MCTP2: variants seen among roughly 807,000 people sequenced by gnomAD.
The protein encoded by MCTP2 is multiple C2 and transmembrane domain containing 2.
In MCTP2, 132 loss-of-function variants were observed where a neutral mutation model predicts 111.6. The ratio of observed to expected loss-of-function variants is 1.18; its 90% CI spans 1.03 to 1.37. MCTP2 has a LOEUF of 1.37. MCTP2 is among the 40% of genes most tolerant of loss of function. The pLI is 0.00. For synonymous variants in MCTP2, 395 were observed against 387.7 expected, an observed-to-expected ratio of 1.02 and a Z score of -0.22; for missense variants, 1,183 against 1,067.9, an observed-to-expected ratio of 1.11 and a Z score of -1.50.
At chr15:94,299,259 C>A (rs1040585314) in intron 2 of MCTP2, among the ~76,000 whole-genome samples, 2 of 151,722 alleles carry the variant, frequency 1.3e-5, no homozygotes, top group African/African-American at 2.4e-5. Flanking sequence ...TGGATGAATT[C>A]TCTTTTATCT....
At chr15:94,244,148 A>T (rs1215123665) in intron 1 of MCTP2, among the ~76,000 whole-genome samples, 1 of 144,672 alleles carries the variant, frequency 6.9e-6, no homozygotes, top group African/African-American at 2.7e-5. Flanking sequence ...GCATATGTGT[A>T]TATGTTTATA....
intron 20 of MCTP2, among the ~76,000 whole-genome samples, chr15:94,467,192 T>C (rs1418597093): frequency 6.6e-6 from 1 of 152,182 alleles, no homozygotes; most frequent in Non-Finnish European, 1.5e-5. Context: ...CGTAAGGCCA[T>C]AGAGCTAACA....
At chr15:94,281,882 C>A (rs1389033778) in intron 1 of MCTP2, among the ~76,000 whole-genome samples, 1 of 151,958 alleles carries the variant, frequency 6.6e-6, no homozygotes, top group African/African-American at 2.4e-5. Flanking sequence ...GAATATAGGC[C>A]CGCAATTATT....
chr15:94,267,923 A>T (rs1483706579), intron 1 of MCTP2, among the ~76,000 whole-genome samples: 1 of 119,306 alleles, frequency 8.4e-6, no homozygotes. Flanking sequence ...TAGAGTGCAG[A>T]GGCGTGATCT....
At position 94,469,111 on chromosome 15, in the gene MCTP2, T is replaced by C. The variant is rs944450883; in HGVS notation, c.2361-1222T>C. Among the ~76,000 whole-genome samples the C allele has an allele frequency of 2.2e-4, 33 of 152,286 alleles. No homozygotes were observed. The Middle Eastern group carries it at 0.01, about 47-fold the overall frequency. On this transcript the variant is annotated intron_variant, in intron 20 of 22. Coordinates refer to ENST00000357742, the MANE Select transcript of MCTP2 (RefSeq NM_001385001.1). ...ATGTTAGCACAATGCCTGGCACATA[T>C]AAAATGCTTAATAACTTTGTGGTAT...
intron 2 of MCTP2, 119 bp from the exon 3 acceptor site, chr15:94,314,158 CCCTCA>C: frequency 1.6e-6 from 1 of 634,298 alleles, no homozygotes; most frequent in South Asian, 2.1e-5. Flanking sequence ...AGGAAGGCGG[CCCTCA>C]CTGAAGCTGC....
At chr15:94,258,263 GT>G (rs2072962289) in intron 1 of MCTP2, among the ~76,000 whole-genome samples, 3 of 152,170 alleles carry the variant, frequency 2.0e-5, no homozygotes, top group Admixed American at 2.0e-4. Context: ...GAATGCTTCA[GT>G]TATCCAGATT....
intron 1 of MCTP2, among the ~76,000 whole-genome samples, chr15:94,260,101 C>T (rs1472482440): frequency 6.6e-6 from 1 of 152,166 alleles, no homozygotes; most frequent in African/African-American, 2.4e-5. Flanking sequence ...TCCACCTGTA[C>T]CTCTCATGTT....
intron 2 of MCTP2, among the ~76,000 whole-genome samples, chr15:94,308,608 T>TG (rs2075990890): frequency 6.6e-6 from 1 of 152,258 alleles, no homozygotes. Context: ...CAACCATTTT[T>TG]TAAAGTATCT....
At chr15:94,294,844 CTCACGT>C (rs938463709) in intron 1 of MCTP2, among the ~76,000 whole-genome samples, 12 of 151,874 alleles carry the variant, frequency 7.9e-5, no homozygotes, top group African/African-American at 2.9e-4. Context: ...ATTCTTGGGA[CTCACGT>C]TCATCTCCTG....
At chr15:94,466,115 G>C (rs187684185) in intron 20 of MCTP2, among the ~76,000 whole-genome samples, 30 of 151,642 alleles carry the variant, frequency 2.0e-4, no homozygotes, top group African/African-American at 7.0e-4. Context: ...AATTTTTCTT[G>C]TTTTTCATTT....
intron 8 of MCTP2, among the ~76,000 whole-genome samples, chr15:94,345,889 G>A (rs11852403): frequency 0.29 from 43,906 of 151,896 alleles, 7,813 homozygotes; most frequent in African/African-American, 0.5. Flanking sequence ...AAATGATGCA[G>A]TATTTGAGAC....
chr15:94,406,564 A>G (rs571744823), intron 17 of MCTP2, among the ~76,000 whole-genome samples: 93 of 152,366 alleles, frequency 6.1e-4, no homozygotes, highest in Middle Eastern at 3.4e-3. Flanking sequence ...ATAATTCTTT[A>G]GCTCAGTTAT....
intron 2 of MCTP2, among the ~76,000 whole-genome samples, chr15:94,301,350 C>T (rs1297705557): frequency 6.6e-6 from 1 of 152,180 alleles, no homozygotes; most frequent in East Asian, 1.9e-4. Flanking sequence ...CCCCTCAGTC[C>T]TGCCTGTTTG....
intron 20 of MCTP2, among the ~76,000 whole-genome samples, chr15:94,467,835 T>A (rs1169742743): frequency 6.6e-6 from 1 of 152,152 alleles, no homozygotes; most frequent in East Asian, 1.9e-4. Flanking sequence ...CTGTTACAGG[T>A]TCTGCTGTGG....
At position 94,345,177 on chromosome 15, in the gene MCTP2, T is replaced by C. The variant is rs1366744805; in HGVS notation, c.1005+13T>C. 3 of 1,609,452 alleles carry C rather than the reference T, an allele frequency of 1.9e-6. No homozygotes were observed. The highest frequency in any genetic ancestry group is 1.7e-4 in the Middle Eastern group (1 of 6,034). ...AAGTGCCAGCAAGGTAAATATACTT[T>C]TTTTTCCTTTAGATCATTTGGTTAA... is the stretch of plus-strand genomic sequence containing the variant. On this transcript the variant is annotated intron_variant, in intron 8 of 22. Transcript: ENST00000357742.
chr15:94,286,890 G>T (rs1174845017), intron 1 of MCTP2, among the ~76,000 whole-genome samples: 2 of 152,162 alleles, frequency 1.3e-5, no homozygotes, highest in African/African-American at 4.8e-5. Context: ...ATAAATGAAA[G>T]CTGAAGATTA....
intron 4 of MCTP2, among the ~76,000 whole-genome samples, chr15:94,323,041 T>A (rs1030530703): frequency 3.3e-5 from 5 of 152,190 alleles, no homozygotes; most frequent in African/African-American, 1.2e-4. Flanking sequence ...CATAAAGAGC[T>A]GTGAGGTTTT....
intron 1 of MCTP2, among the ~76,000 whole-genome samples, chr15:94,245,108 A>G (rs1442166819): frequency 2.7e-5 from 4 of 149,480 alleles, no homozygotes; most frequent in South Asian, 2.1e-4. Context: ...ACCTATGTTT[A>G]TATATGTATA....
Sources: allele counts gnomAD v4.1 joint callset (sites outside exome capture counted in the v4.1 genomes callset), GRCh38; gene constraint gnomAD v4.1.1; transcripts MANE v1.5; gene names NCBI Gene and HGNC (gene_info 2026-07-23, HGNC 2026-07-21).